Variants in RYR3 observed in about 807,000 individuals in gnomAD.
The protein encoded by RYR3 is brain ryanodine receptor-calcium release channel.
RYR3 carries 207 observed loss-of-function variants against 584.3 expected under a neutral mutation model. That is an observed-to-expected ratio of 0.35 (90% CI 0.32 to 0.40). The LOEUF (loss-of-function observed/expected upper bound fraction) is 0.40. Ranked by LOEUF, RYR3 falls within the 10% of genes least tolerant of loss-of-function variation. RYR3 has a pLI of 1.00. For synonymous variants in RYR3, 2,416 were observed against 2,248.5 expected (o/e 1.07, Z -2.11); for missense variants, 5,616 against 6,089.2 (o/e 0.92, Z 2.59).
intron 96 of RYR3, among the ~76,000 whole-genome samples, 155 bp downstream of exon 96, chr15:33,853,837 T>TA (rs1045590666): frequency 2.0e-5 from 3 of 152,140 alleles, no homozygotes; most frequent in Non-Finnish European, 4.4e-5. Context: ...AGCACTGCCT[T>TA]AAAAATTTGA....
intron 67 of RYR3, 59 bp downstream of exon 67, chr15:33,788,517 G>C: frequency 6.3e-7 from 1 of 1,579,470 alleles, no homozygotes; most frequent in Non-Finnish European, 8.6e-7. Flanking sequence ...TTAGGCAACA[G>C]AATAAAATGG....
chr15:33,726,836 A>G (rs1174537945), intron 46 of RYR3, among the ~76,000 whole-genome samples: 2 of 152,284 alleles, frequency 1.3e-5, no homozygotes, highest in African/African-American at 2.4e-5. Flanking sequence ...GAAAATGGAC[A>G]TGGCACACCA....
chr15:33,578,388 A>C (rs1318784802), intron 12 of RYR3, among the ~76,000 whole-genome samples: 2 of 152,246 alleles, frequency 1.3e-5, no homozygotes, highest in East Asian at 1.9e-4. Flanking sequence ...CTGGATCAAG[A>C]AAATGTGGAA....
chr15:33,547,056 GACATGCTCTTAA>G (rs2056301350), intron 8 of RYR3, among the ~76,000 whole-genome samples: 2 of 152,300 alleles, frequency 1.3e-5, no homozygotes, highest in Middle Eastern at 6.8e-3. Flanking sequence ...CTGTTCTTGA[GACATGCTCTTAA>G]ACTGTGAATT....
chr15:33,363,262 C>T (rs1267968108), intron 1 of RYR3, among the ~76,000 whole-genome samples: 1 of 152,130 alleles, frequency 6.6e-6, no homozygotes, highest in Non-Finnish European at 1.5e-5. Flanking sequence ...TCCAAAATTT[C>T]CCTCTTAGCC....
intron 1 of RYR3, among the ~76,000 whole-genome samples, chr15:33,396,871 C>G (rs1010296162): frequency 7.2e-5 from 11 of 152,152 alleles, no homozygotes; most frequent in Non-Finnish European, 1.6e-4. Flanking sequence ...CTCCTTCAAC[C>G]CCCCTTTATA....
chr15:33,716,881 A>AT (rs1043336625), intron 43 of RYR3, among the ~76,000 whole-genome samples: 1 of 151,922 alleles, frequency 6.6e-6, no homozygotes, highest in Non-Finnish European at 1.5e-5. Flanking sequence ...AAACAAAAAA[A>AT]AAATCCACTT....
At chr15:33,596,027 A>G (rs1407925601) in intron 16 of RYR3, among the ~76,000 whole-genome samples, 1 of 151,832 alleles carries the variant, frequency 6.6e-6, no homozygotes, top group Non-Finnish European at 1.5e-5. Context: ...AATTTACCAT[A>G]CAAGATTCTT....
rs1272856032 is a variant in RYR3 at position 33,800,796 on chromosome 15, C to A, written c.9857C>A (p.Ala3286Asp). Residue 3286 changes from alanine to aspartate, a missense_variant, in exon 68 of 104, where the codon GCT (alanine) becomes GAT (aspartate). Around this residue, in one of 9 missense-constraint regions of RYR3, gnomAD observed 954 missense variants for 1,132.2 expected, o/e 0.84. Coordinates refer to ENST00000634891, the MANE Select transcript of RYR3 (RefSeq NM_001036.6). Reference sequence around the variant, plus strand: ...TCTAACTGGCTGAAAAGTCCTGATGCTGATTCTGACCAGCTCTTCCGCATG... The same window carrying A: ...TCTAACTGGCTGAAAAGTCCTGATGATGATTCTGACCAGCTCTTCCGCATG... ...NRSNWLKSPD[A>D]DSDQLFRMVA... 6.2e-7 allele frequency: 1 copy of A among 1,613,582 alleles called. No individual in the cohort carries two copies. Among genetic ancestry groups the A allele is most frequent in the Non-Finnish European group, 8.5e-7 (1 of 1,179,632 alleles).
rs549783652 is a variant in RYR3, at chr15:33,412,479, A to G, written c.52-60940A>G. Among the ~76,000 whole-genome samples, 2 of 152,218 alleles carry G rather than the reference A, an allele frequency of 1.3e-5. No homozygotes were observed. The highest frequency in any genetic ancestry group is 2.9e-5 in the Non-Finnish European group (2 of 68,036). The stretch of plus-strand genomic sequence containing the variant: ...ATCAAATAATTTGGTTGTCACCAGT[A>G]GGATCACTTTGAAGCCACCCTGGCC... On this transcript the variant is annotated intron_variant, in intron 1 of 103. Transcript: ENST00000634891. The surrounding 1 kb of genome is among the most constrained non-coding windows in gnomAD (Gnocchi z 4.3).
At chr15:33,616,213 C>T (rs1314537244) in intron 19 of RYR3, among the ~76,000 whole-genome samples, 2 of 152,226 alleles carry the variant, frequency 1.3e-5, no homozygotes, top group Non-Finnish European at 2.9e-5. Flanking sequence ...AAGGGATCTT[C>T]TCCAGTCTAC....
At position 33,412,688 on chromosome 15, in the gene RYR3, A is replaced by G. The variant is rs1013315021; in HGVS notation, c.52-60731A>G. On this transcript the variant is annotated intron_variant, in intron 1 of 103. Coordinates refer to ENST00000634891, the MANE Select transcript of RYR3 (RefSeq NM_001036.6). This position sits in a 1 kb window ranked among gnomAD's most constrained non-coding sequence, Gnocchi z 4.3. Reference sequence around the variant, plus strand: ...GTTTGGTTGTAACTCTCTGAAGCTGAGTACTGTGGCTAAATCAAGCTCCCA... The same window carrying G: ...GTTTGGTTGTAACTCTCTGAAGCTGGGTACTGTGGCTAAATCAAGCTCCCA... 6.6e-6 allele frequency among the ~76,000 whole-genome samples: 1 copy of G among 152,186 alleles called. No individual in the cohort carries two copies. Among genetic ancestry groups the G allele is most frequent in the African/African-American group, 2.4e-5 (1 of 41,450 alleles).
At chr15:33,371,641 C>T (rs2040339374) in intron 1 of RYR3, among the ~76,000 whole-genome samples, 1 of 152,314 alleles carries the variant, frequency 6.6e-6, no homozygotes, top group Non-Finnish European at 1.5e-5. Context: ...TCTGAGCAGA[C>T]AAGACAGCAG....
intron 3 of RYR3, among the ~76,000 whole-genome samples, chr15:33,509,825 C>T (rs560332048): frequency 1.3e-5 from 2 of 152,256 alleles, no homozygotes; most frequent in Admixed American, 6.5e-5. Context: ...ACCCCAGTGC[C>T]GATGACTTTC....
chr15:33,538,779 A>G (rs115343453), intron 5 of RYR3, among the ~76,000 whole-genome samples: 2,462 of 152,206 alleles, frequency 0.016, 76 homozygotes, highest in African/African-American at 0.056. Context: ...TTTCTTACTG[A>G]AAGACCTGGG....
At chr15:33,576,957 T>A (rs2058330385) in intron 12 of RYR3, among the ~76,000 whole-genome samples, 1 of 152,132 alleles carries the variant, frequency 6.6e-6, no homozygotes, top group South Asian at 2.1e-4. Flanking sequence ...ATCACAAGCA[T>A]TCCTAAACAC....
intron 64 of RYR3, among the ~76,000 whole-genome samples, chr15:33,779,050 T>C (rs1035364640): frequency 1.3e-5 from 2 of 152,222 alleles, no homozygotes; most frequent in Non-Finnish European, 2.9e-5. Context: ...TTCGAAGGAA[T>C]GCACAGCTTT....
At chr15:33,392,078 T>C (rs544836695) in intron 1 of RYR3, among the ~76,000 whole-genome samples, 2 of 152,164 alleles carry the variant, frequency 1.3e-5, no homozygotes, top group African/African-American at 2.4e-5. Flanking sequence ...ATTAGATGCT[T>C]ACTTGCTTGA....
intron 93 of RYR3, among the ~76,000 whole-genome samples, chr15:33,845,571 A>T (rs2078671368): frequency 6.6e-6 from 1 of 152,098 alleles, no homozygotes; most frequent in African/African-American, 2.4e-5. Flanking sequence ...CCTTTAACTC[A>T]GAATCTACCA....
Sources: allele counts gnomAD v4.1 joint callset (sites outside exome capture counted in the v4.1 genomes callset), GRCh38; gene constraint gnomAD v4.1.1; regional missense constraint gnomAD v4.1.1; non-coding constraint Gnocchi (gnomAD v3.1); transcripts MANE v1.5; gene names NCBI Gene and HGNC (gene_info 2026-07-23, HGNC 2026-07-21).